Variants in SFTPD observed in about 807,000 individuals in gnomAD.
The protein encoded by SFTPD is pulmonary surfactant-associated protein D.
SFTPD carries 18 observed loss-of-function variants against 34.6 expected under a neutral mutation model. That is an observed-to-expected ratio of 0.52 (90% CI 0.36 to 0.77). The LOEUF is 0.77. Among genes scored for constraint, SFTPD ranks in the 30% least tolerant of loss-of-function variants. The pLI, the probability that SFTPD is intolerant of heterozygous loss-of-function variation, is 0.00. For synonymous variants in SFTPD, 155 were observed against 180.9 expected, an observed-to-expected ratio of 0.86 and a Z score of 1.15; for missense variants, 433 against 468.9, an observed-to-expected ratio of 0.92 and a Z score of 0.71.
chr10:79,946,320 T>C, intron 2 of SFTPD, 141 bp downstream of exon 2: 1 of 678,538 alleles, frequency 1.5e-6, no homozygotes, highest in Non-Finnish European at 2.6e-6. Flanking sequence ...TGCCAGCTGG[T>C]GGAGCAGTGT....
At chr10:79,975,504 G>C (rs1842859585) in intron 1 of SFTPD, among the ~76,000 whole-genome samples, 1 of 152,094 alleles carries the variant, frequency 6.6e-6, no homozygotes, top group African/African-American at 2.4e-5. Flanking sequence ...CTCCAGCTTA[G>C]TTCCACATTC....
rs751451861 is a variant in SFTPD, at chr10:79,942,414, C to T, written c.407G>A (p.Gly136Asp). 4 of 1,612,716 alleles carry T rather than the reference C, an allele frequency of 2.5e-6. No individual in the cohort carries two copies. Among genetic ancestry groups the T allele is most frequent in the Non-Finnish European group, 3.4e-6 (4 of 1,178,836 alleles). ...QGNIGPQGKP[G>D]PKGEAGPKGE... ...TTTGGGCCCAGCTTCTCCTTTTGGGCCTGGCTTGCCCTGAGGTCCTATGTT... is the reference window on the plus strand; with the variant it reads ...TTTGGGCCCAGCTTCTCCTTTTGGGTCTGGCTTGCCCTGAGGTCCTATGTT... The change falls in exon 4 of 8, where the codon GGC (glycine) becomes GAC (aspartate). Residue 136 changes from glycine (G) to aspartate (D), a missense_variant. Physicochemically the swap from Gly to Asp is moderately conservative, Grantham distance 94 (BLOSUM62 -1). Transcript: ENST00000372292.
At chr10:79,945,416 G>A (rs565245119) in intron 2 of SFTPD, among the ~76,000 whole-genome samples, 1 of 152,202 alleles carries the variant, frequency 6.6e-6, no homozygotes, top group African/African-American at 2.4e-5. Flanking sequence ...ACCCCACAAA[G>A]CCTGGGGATA....
chr10:79,965,399 T>C (rs1361443405), intron 1 of SFTPD, among the ~76,000 whole-genome samples: 1 of 152,016 alleles, frequency 6.6e-6, no homozygotes, highest in African/African-American at 2.4e-5. Flanking sequence ...TTCCTTCAGC[T>C]TAATCTCTCC....
At chr10:79,955,438 TAAAAC>T (rs940319173) in intron 1 of SFTPD, among the ~76,000 whole-genome samples, 18 of 152,064 alleles carry the variant, frequency 1.2e-4, no homozygotes, top group Admixed American at 3.9e-4. Context: ...GATCCTGAAG[TAAAAC>T]AAAACAAAAC....
chr10:79,952,242 C>T (rs1302642707), upstream of SFTPD, among the ~76,000 whole-genome samples: 1 of 152,250 alleles, frequency 6.6e-6, no homozygotes, highest in Non-Finnish European at 1.5e-5. Flanking sequence ...GCTTGGCCAG[C>T]AGGCACCCCA....
At chr10:79,943,649 C>T (rs369645417) in intron 2 of SFTPD, among the ~76,000 whole-genome samples, 3 of 152,146 alleles carry the variant, frequency 2.0e-5, no homozygotes, top group African/African-American at 7.2e-5. Context: ...GGTAAATTTG[C>T]TGGATGGGTG....
At chr10:79,952,940 T>A (rs1589338218), upstream of SFTPD, among the ~76,000 whole-genome samples, 1 of 152,102 alleles carries the variant, frequency 6.6e-6, no homozygotes, top group Admixed American at 6.5e-5. Context: ...GCCACAGGAG[T>A]GAGGGGAGCA....
Position 79,942,556 on chromosome 10 carries a change from G to A in SFTPD, c.317-52C>T, listed in dbSNP as rs758544064. On this transcript the variant is annotated intron_variant, in intron 3 of 7. Coordinates refer to ENST00000372292, the MANE Select transcript of SFTPD (RefSeq NM_003019.5). ...TAACAATGAATCCTCTTGGCAGGAG[G>A]AGTGTGTAGTAAGGTGAGGGTAATA... 5 of 1,245,572 alleles carry A rather than the reference G, an allele frequency of 4.0e-6. 1 individual carries two copies. The Admixed American group carries it at 6.8e-5, about 17-fold the overall frequency. 77.2% of individuals were successfully genotyped at this position (1,245,572 alleles called of 1,614,324 possible).
Position 79,946,470 on chromosome 10 carries a change from C to T in SFTPD, c.190G>A (p.Gly64Arg). The T allele has an allele frequency of 1.2e-6, 2 of 1,613,826 alleles. No individual in the cohort carries two copies. The highest frequency in any genetic ancestry group is 1.1e-5 in the South Asian group (1 of 91,084). ...CAGGGCCCCACCCTACCTGGGTCCC[C>T]CTTCTCGCCCCGAGGGCCCTCTCTC... The part of the protein sequence containing the change: ...DGREGPRGEK[G>R]DPGLPGAAGQ... The change falls in exon 2 of 8, where the codon GGG (glycine) becomes AGG (arginine). Residue 64 changes from glycine to arginine, a missense_variant. Gly to Arg is a moderately radical substitution (Grantham distance 125, BLOSUM62 -2). Coordinates refer to ENST00000372292, the MANE Select transcript of SFTPD (RefSeq NM_003019.5).
chr10:79,948,567 G>C (rs779275197), intron 1 of SFTPD, among the ~76,000 whole-genome samples: 1 of 152,150 alleles, frequency 6.6e-6, no homozygotes, highest in Non-Finnish European at 1.5e-5. Context: ...GAAAATCAGA[G>C]ACCTACTCCA....
At chr10:79,971,667 T>C (rs1371770919) in intron 1 of SFTPD, 1 of 152,248 alleles carries the variant, frequency 6.6e-6, no homozygotes, top group Non-Finnish European at 1.5e-5. Flanking sequence ...TAGTCTTTAA[T>C]GACCTCTTCT....
intron 1 of SFTPD, among the ~76,000 whole-genome samples, chr10:79,965,033 T>C (rs911650077): frequency 4.6e-5 from 7 of 152,170 alleles, no homozygotes; most frequent in East Asian, 1.9e-4. Flanking sequence ...TTCAGTGGAA[T>C]CTTCATACAC....
intron 1 of SFTPD, 89 bp from the exon 2 acceptor site, chr10:79,946,751 G>T (rs1842670032): frequency 2.5e-6 from 3 of 1,198,632 alleles, no homozygotes; most frequent in Non-Finnish European, 1.2e-6. Flanking sequence ...GTGACAAGAA[G>T]CCCCCATTCC....
rs1473783820 is a variant in SFTPD at position 79,946,681 on chromosome 10, A to G, written c.-3-19T>C. 1 of 1,608,086 alleles carries G rather than the reference A, an allele frequency of 6.2e-7. No individual in the cohort carries two copies. Among genetic ancestry groups the G allele is most frequent in the Non-Finnish European group, 8.5e-7 (1 of 1,176,244 alleles). On this transcript the variant is annotated intron_variant, in intron 1 of 7. Transcript: ENST00000372292. ...GCATGGCCTGGAGAGGTGAACAGAA[A>G]GAGAAAAGACATGCTTATGCTTCAT... is the stretch of plus-strand genomic sequence containing the variant.
At chr10:79,955,225 C>G (rs890967809) in intron 1 of SFTPD, among the ~76,000 whole-genome samples, 4 of 151,938 alleles carry the variant, frequency 2.6e-5, no homozygotes, top group African/African-American at 9.7e-5. Context: ...TACTTGGATC[C>G]CAAATGTTTT....
intron 7 of SFTPD, among the ~76,000 whole-genome samples, chr10:79,940,447 GC>G (rs1212180018): frequency 3.3e-5 from 5 of 152,220 alleles, no homozygotes; most frequent in African/African-American, 1.2e-4. Context: ...CTCCTCCTTT[GC>G]CCCCTTGGAT....
chr10:79,956,849 C>T (rs1411604026), intron 1 of SFTPD, among the ~76,000 whole-genome samples: 1 of 152,188 alleles, frequency 6.6e-6, no homozygotes, highest in Non-Finnish European at 1.5e-5. Flanking sequence ...GGGCAGACTG[C>T]CTCCTCAAGT....
chr10:79,966,946 G>C (rs865901459), intron 1 of SFTPD, among the ~76,000 whole-genome samples: 2 of 146,812 alleles, frequency 1.4e-5, no homozygotes, highest in Non-Finnish European at 3.0e-5. Flanking sequence ...TGGACGTTCT[G>C]GCCAGGGCAA....
Sources: gnomAD v4.1 joint callset for allele counts (sites outside exome capture counted in the v4.1 genomes callset) on GRCh38, gnomAD v4.1.1 for gene constraint, MANE v1.5 for transcripts, NCBI Gene and HGNC (gene_info 2026-07-23, HGNC 2026-07-21) for gene names.